The following SLC23A3 variants were observed in gnomAD, a reference collection of about 807,000 sequenced individuals.
SLC23A3 encodes the protein solute carrier family 23 member 3.
SLC23A3 carries 41 observed loss-of-function variants against 64.7 expected under a neutral mutation model. That is an observed-to-expected ratio of 0.63 (90% confidence interval 0.49 to 0.82). The LOEUF (loss-of-function observed/expected upper bound fraction) is 0.82, where lower values mean the gene tolerates loss of function less well. SLC23A3 is among the 40% of genes least tolerant of loss of function. The pLI is 0.00. For missense variants in SLC23A3, 647 were observed against 733.4 expected (o/e 0.88, Z 1.36); for synonymous variants, 281 against 306.8 (o/e 0.92, Z 0.88).
chr2:219,163,684 TTG>T, intron 9 of SLC23A3, 129 bp from the exon 10 acceptor site: 1 of 927,520 alleles, frequency 1.1e-6, no homozygotes, highest in Non-Finnish European at 1.6e-6. Context: ...TTTGTTTTTT[TTG>T]TTTTTTTGTT....
Position 219,168,661 on chromosome 2 carries a change from A to G in SLC23A3, c.665T>C (p.Leu222Ser). The G allele has an allele frequency of 1.2e-6, 2 of 1,613,760 alleles. No individual in the cohort carries two copies. Among genetic ancestry groups the G allele is most frequent in the Non-Finnish European group, 8.5e-7 (1 of 1,179,856 alleles). Residue 222 changes from leucine to serine, a missense_variant, in exon 5 of 12, where the codon TTG becomes TCG. Leu to Ser is a moderately radical substitution (Grantham distance 145). Coordinates refer to ENST00000409878, the MANE Select transcript of SLC23A3 (RefSeq NM_001144889.2). ...CTCAGGACTCACGTACAGCAAGGCC[A>G]ACCCCCAGTGTGTGAAGCAGAACTG... ...VAQFCFTHWGLALLVILLMVV... is the reference protein window; with the variant it reads ...VAQFCFTHWGSALLVILLMVV...
In SLC23A3 at chr2:219,169,205, A is replaced by G; in HGVS notation, c.419-103T>C. On this transcript the variant is annotated intron_variant, in intron 3 of 11. Transcript: ENST00000409878. This position sits in a 1 kb window ranked among gnomAD's most constrained non-coding sequence, Gnocchi z 4.5. ...ACAGGTCCAAGCCCCCTATAGTGTC[A>G]CAGTCTCACCACTGCCCAATCTCAA... The G allele has an allele frequency of 6.2e-7, 1 of 1,608,972 alleles. No individual in the cohort carries two copies. The highest frequency in any genetic ancestry group is 1.7e-5 in the Admixed American group (1 of 59,930).
Position 219,162,183 on chromosome 2 carries a change from A to G in SLC23A3, c.1559T>C (p.Leu520Pro). 1 of 1,611,330 alleles carries G rather than the reference A, an allele frequency of 6.2e-7. No homozygotes were observed. Among genetic ancestry groups the G allele is most frequent in the Non-Finnish European group, 8.5e-7 (1 of 1,178,012 alleles). The change falls in exon 12 of 12, where the codon CTA becomes CCA. Residue 520 changes from leucine (L) to proline (P), a missense_variant. By Grantham distance (98) the Leu-to-Pro change is moderately conservative. Coordinates refer to ENST00000409878, the MANE Select transcript of SLC23A3 (RefSeq NM_001144889.2). ...TIPGTQLERG[L>P]GQGLPSPFTA... ...GAAAGGAGATGGTAGCCCTTGACCT[A>G]GGCCTCGCTCAAGCTGTGTGCCTGC...
intron 5 of SLC23A3, 44 bp from the exon 6 acceptor site, chr2:219,168,362 T>C: frequency 6.5e-7 from 1 of 1,527,414 alleles, no homozygotes; most frequent in Non-Finnish European, 8.8e-7. Flanking sequence ...GTGGGTATCC[T>C]GAGGGATGGG....
intron 10 of SLC23A3, 146 bp downstream of exon 10, chr2:219,163,242 C>G: frequency 1.3e-6 from 1 of 790,978 alleles, no homozygotes; most frequent in Non-Finnish European, 2.1e-6. Context: ...AAATGGCTAG[C>G]ATAGTGCTCA....
At chr2:219,162,586 C>G (rs1160531663) in intron 10 of SLC23A3, among the ~76,000 whole-genome samples, 192 bp from the exon 11 acceptor site, 1 of 152,202 alleles carries the variant, frequency 6.6e-6, no homozygotes, top group African/African-American at 2.4e-5. Flanking sequence ...AGGATTCCTG[C>G]TCAACACCCT....
intron 10 of SLC23A3, among the ~76,000 whole-genome samples, chr2:219,162,872 G>T (rs1949963512): frequency 6.6e-6 from 1 of 152,114 alleles, no homozygotes; most frequent in Admixed American, 6.5e-5. Context: ...TCCTCCATTT[G>T]TAACAGCCAA....
At position 219,163,602 on chromosome 2, in the gene SLC23A3, G is replaced by T. The variant is rs148954968; in HGVS notation, c.1274-47C>A. ...AAGGGGGTCAGGAGGAGTCAAGGGG[G>T]CTCACATAGCATGGAGTATTGCAGG... On this transcript the variant is annotated intron_variant, in intron 9 of 11. Coordinates refer to ENST00000409878, the MANE Select transcript of SLC23A3 (RefSeq NM_001144889.2). The T allele has an allele frequency of 2.8e-4, 443 of 1,565,874 alleles. 1 individual carries two copies. In the African/African-American group the frequency reaches 5.0e-3, roughly 18 times the overall value.
At position 219,167,877 on chromosome 2, in the gene SLC23A3, C is replaced by A; in HGVS notation, c.913+53G>T. The A allele has an allele frequency of 8.1e-6, 11 of 1,359,236 alleles. No individual in the cohort carries two copies. The South Asian group carries it at 1.4e-4, about 18-fold the overall frequency. The allele number at this position is 1,359,236 out of a possible 1,614,324, so 84.2% of individuals were successfully genotyped here. A position where few individuals can be genotyped will look rare whatever the true frequency, so the allele number is the denominator to read the frequency against. ...TAAAATCCATTAAGTTCTTTGAGTT[C>A]AAATAGATACCTTTATTTGAACAAG... is the stretch of plus-strand genomic sequence containing the variant. On this transcript the variant is annotated intron_variant, in intron 7 of 11. Transcript: ENST00000409878.
chr2:219,163,546 A>C lies in SLC23A3; in HGVS notation c.1283T>G (p.Leu428Arg). Residue 428 changes from leucine (L) to arginine (R), a missense_variant, in exon 10 of 12, where the codon CTG becomes CGG. Transcript: ENST00000409878. Reference protein sequence around the residue: ...TIPLPVVGGVLGVTQAVVLSA... With the variant: ...TIPLPVVGGVRGVTQAVVLSA... ...CAAAACCACAGCCTGGGTCACCCCC[A>C]GCACCCCACCTGTCTCATACAGAAG... The C allele has an allele frequency of 6.2e-7, 1 of 1,614,168 alleles. No individual in the cohort carries two copies. Among genetic ancestry groups the C allele is most frequent in the Admixed American group, 1.7e-5 (1 of 60,024 alleles).
chr2:219,169,153 C>A lies in SLC23A3; in HGVS notation c.419-51G>T. 6.2e-7 allele frequency: 1 copy of A among 1,603,566 alleles called. No individual in the cohort carries two copies. Among genetic ancestry groups the A allele is most frequent in the South Asian group, 1.1e-5 (1 of 90,760 alleles). On this transcript the variant is annotated intron_variant, in intron 3 of 11. Transcript: ENST00000409878. This position sits in a 1 kb window ranked among gnomAD's most constrained non-coding sequence, Gnocchi z 4.5. Reference sequence around the variant, plus strand: ...AGAGAAGGGTGAATGGAATGGAGACCCATTGCTCTACAGTCCCACTCCTGG... The same window carrying A: ...AGAGAAGGGTGAATGGAATGGAGACACATTGCTCTACAGTCCCACTCCTGG...
intron 10 of SLC23A3, among the ~76,000 whole-genome samples, chr2:219,163,070 T>TA (rs1305456761): frequency 6.6e-6 from 1 of 152,218 alleles, no homozygotes; most frequent in Non-Finnish European, 1.5e-5. Flanking sequence ...GTTTAAAACT[T>TA]ACCATCCTTC....
chr2:219,164,967 C>G, intron 8 of SLC23A3: 1 of 644,644 alleles, frequency 1.6e-6, no homozygotes, highest in Non-Finnish European at 2.6e-6. Context: ...AGCCTTGATA[C>G]AGTGCCTCAT....
At chr2:219,164,185 A>G (rs1407641596) in intron 9 of SLC23A3, 48 bp downstream of exon 9, 1 of 1,334,994 alleles carries the variant, frequency 7.5e-7, no homozygotes, top group African/African-American at 1.4e-5. Context: ...ATCAGGCCAC[A>G]CTGGGGAGTA....
At chr2:219,165,965 C>G (rs1430270401) in intron 7 of SLC23A3, among the ~76,000 whole-genome samples, 1 of 152,150 alleles carries the variant, frequency 6.6e-6, no homozygotes, top group Non-Finnish European at 1.5e-5. Flanking sequence ...GAAACCCCAT[C>G]TCTACTAAAA....
rs369017974 is a variant in SLC23A3, at chr2:219,163,231, C to T, written c.1441+157G>A. On this transcript the variant is annotated intron_variant, in intron 10 of 11. Coordinates refer to ENST00000409878, the MANE Select transcript of SLC23A3 (RefSeq NM_001144889.2). The stretch of plus-strand genomic sequence containing the variant: ...AATAACGGAAGGCATCTTTGTATTC[C>T]AAATGGCTAGCATAGTGCTCAATAA... 5.3e-5 allele frequency among the ~76,000 whole-genome samples: 8 copies of T among 152,214 alleles called. No homozygotes were observed. In the East Asian group the frequency reaches 9.6e-4, roughly 18 times the overall value.
intron 10 of SLC23A3, 99 bp from the exon 11 acceptor site, chr2:219,162,493 G>A: frequency 3.7e-6 from 3 of 811,028 alleles, no homozygotes; most frequent in Non-Finnish European, 6.1e-6. Flanking sequence ...TTGGACTAAG[G>A]ACAGATCTTT....
rs771074132 is a variant in SLC23A3, at chr2:219,168,831, C to T, written c.495G>A (p.Val165=). ...LGHWNTSLQE[V]SGAVVVSGLL... ...GCCCAGATACTACCACTGCCCCGGA[C>T]ACCTGGTAGAAGAGAGGAGAGGATG... is the stretch of plus-strand genomic sequence containing the variant. Residue 165 remains valine, a splice_region_variant and synonymous_variant, in exon 5 of 12, where the codon GTG becomes GTA. Transcript: ENST00000409878. The T allele has an allele frequency of 6.3e-6, 10 of 1,582,908 alleles. No homozygotes were observed. Among genetic ancestry groups the T allele is most frequent in the Admixed American group, 1.8e-5 (1 of 55,960 alleles).
chr2:219,168,912 A>C, intron 4 of SLC23A3, 79 bp from the exon 5 acceptor site: 1 of 1,552,482 alleles, frequency 6.4e-7, no homozygotes, highest in African/African-American at 1.4e-5. Flanking sequence ...CCTAATTCTA[A>C]GTATGGGTTC....
Sources: gnomAD v4.1 joint callset for allele counts (sites outside exome capture counted in the v4.1 genomes callset) on GRCh38, gnomAD v4.1.1 for gene constraint, Gnocchi (gnomAD v3.1) non-coding constraint, MANE v1.5 for transcripts, NCBI Gene and HGNC (gene_info 2026-07-23, HGNC 2026-07-21) for gene names.